The following CYRIA variants were observed in gnomAD, a reference collection of about 807,000 sequenced individuals.
CYRIA encodes CYFIP related Rac1 interactor A, also known as CYFIP-related Rac1 interactor A.
In CYRIA, 15 loss-of-function variants were observed where a neutral mutation model predicts 43.9. The ratio of observed to expected loss-of-function variants is 0.34; its 90% CI spans 0.23 to 0.53. CYRIA has a LOEUF of 0.53. Ranked by LOEUF, CYRIA falls within the 20% of genes least tolerant of loss-of-function variation. The pLI is 0.94. For synonymous variants in CYRIA, 117 were observed against 136.0 expected (o/e 0.86, Z 0.97); for missense variants, 236 against 394.2 (o/e 0.60, Z 3.40).
intron 10 of CYRIA, among the ~76,000 whole-genome samples, chr2:16,557,562 C>T (rs1271023946): frequency 3.9e-5 from 6 of 152,018 alleles, no homozygotes; most frequent in Admixed American, 3.3e-4. Flanking sequence ...AATGGCCCAT[C>T]TCAAATGGTT....
chr2:16,622,336 G>A (rs750258898), intron 2 of CYRIA, among the ~76,000 whole-genome samples: 3 of 152,170 alleles, frequency 2.0e-5, no homozygotes, highest in Non-Finnish European at 4.4e-5. Context: ...AAGTCCGGGT[G>A]AGAAAAGGCT....
chr2:16,629,977 A>G (rs565509978), intron 1 of CYRIA, among the ~76,000 whole-genome samples: 1 of 152,256 alleles, frequency 6.6e-6, no homozygotes, highest in African/African-American at 2.4e-5. Flanking sequence ...GAGACCAGAT[A>G]GTGACTAACT....
chr2:16,629,287 C>T, intron 1 of CYRIA, among the ~76,000 whole-genome samples: 1 of 152,182 alleles, frequency 6.6e-6, no homozygotes, highest in South Asian at 2.1e-4. Context: ...GGTGAGAGAT[C>T]CTCCCTTTTC....
At chr2:16,585,827 G>C (rs1190987995) in intron 3 of CYRIA, among the ~76,000 whole-genome samples, 2 of 152,082 alleles carry the variant, frequency 1.3e-5, no homozygotes, top group African/African-American at 4.8e-5. Context: ...GTGCTATGGT[G>C]GGGGGATGGA....
At chr2:16,646,548 G>A (rs899025474) in intron 1 of CYRIA, among the ~76,000 whole-genome samples, 1 of 152,224 alleles carries the variant, frequency 6.6e-6, no homozygotes, top group Non-Finnish European at 1.5e-5. Context: ...CACGTGCAGT[G>A]TGGGAGCCTC....
rs1666221980 is a variant in CYRIA at position 16,549,522 on chromosome 2, G to A, written c.*3414C>T. The A allele has an allele frequency of 6.6e-6, 1 of 151,858 alleles. No homozygotes were observed. The highest frequency in any genetic ancestry group is 6.6e-5 in the Admixed American group (1 of 15,218). 9.4% of individuals were successfully genotyped at this position (151,858 alleles called of 1,614,324 possible). A position where few individuals can be genotyped will look rare whatever the true frequency, so the allele number is the denominator to read the frequency against. On this transcript the variant is annotated 3_prime_UTR_variant, in exon 12 of 12. Coordinates refer to ENST00000381323, the MANE Select transcript of CYRIA (RefSeq NM_030797.4). Reference sequence around the variant, plus strand: ...CACTCAAAACTCCTGTAGAAAAAAAGGCAAAGCAGGCAAAAAAAATTACAA... The same window carrying A: ...CACTCAAAACTCCTGTAGAAAAAAAAGCAAAGCAGGCAAAAAAAATTACAA...
chr2:16,590,540 C>G (rs1464777850), intron 2 of CYRIA, among the ~76,000 whole-genome samples: 4 of 152,092 alleles, frequency 2.6e-5, no homozygotes, highest in Non-Finnish European at 5.9e-5. Context: ...ATTTTACTGT[C>G]AGAGTACCTA....
At chr2:16,590,671 T>C (rs1667900812) in intron 2 of CYRIA, among the ~76,000 whole-genome samples, 1 of 152,178 alleles carries the variant, frequency 6.6e-6, no homozygotes, top group Non-Finnish European at 1.5e-5. Flanking sequence ...GTGGATTGGC[T>C]GATATCATCA....
intron 3 of CYRIA, among the ~76,000 whole-genome samples, chr2:16,578,517 T>C (rs150399135): frequency 6.6e-6 from 1 of 152,284 alleles, no homozygotes; most frequent in Non-Finnish European, 1.5e-5. Flanking sequence ...ATGGTAAAAA[T>C]GGAAAATTTC....
At chr2:16,616,171 G>A (rs959354693) in intron 2 of CYRIA, among the ~76,000 whole-genome samples, 4 of 152,088 alleles carry the variant, frequency 2.6e-5, no homozygotes, top group African/African-American at 4.8e-5. Flanking sequence ...TGTCCTTCAC[G>A]GTGGGAACCC....
chr2:16,601,357 G>C (rs1339911669), intron 2 of CYRIA, among the ~76,000 whole-genome samples: 1 of 152,138 alleles, frequency 6.6e-6, no homozygotes, highest in Non-Finnish European at 1.5e-5. Context: ...AATACACATT[G>C]GGTGACCCCT....
chr2:16,614,580 G>A (rs1004638327), intron 2 of CYRIA, among the ~76,000 whole-genome samples: 5 of 152,208 alleles, frequency 3.3e-5, no homozygotes, highest in African/African-American at 9.7e-5. Context: ...ATCAAGCACT[G>A]TTTGGGCTAT....
At chr2:16,557,950 C>G (rs1012770505) in intron 10 of CYRIA, among the ~76,000 whole-genome samples, 1 of 152,008 alleles carries the variant, frequency 6.6e-6, no homozygotes, top group Non-Finnish European at 1.5e-5. Context: ...AATGTTAAAG[C>G]CTCACAAAGG....
At chr2:16,586,331 T>C (rs1456668443) in intron 3 of CYRIA, among the ~76,000 whole-genome samples, 16 of 152,148 alleles carry the variant, frequency 1.1e-4, no homozygotes, top group Admixed American at 1.0e-3. Context: ...TATAGATAAT[T>C]TGTTTTGCAC....
chr2:16,649,971 G>C (rs115623482), intron 1 of CYRIA, among the ~76,000 whole-genome samples: 489 of 152,284 alleles, frequency 3.2e-3, no homozygotes, highest in African/African-American at 0.01. Context: ...GTTTCAACAA[G>C]AGTCTCAAGT....
chr2:16,639,478 T>C (rs578072885), intron 1 of CYRIA, among the ~76,000 whole-genome samples: 4 of 152,226 alleles, frequency 2.6e-5, no homozygotes, highest in East Asian at 1.9e-4. Context: ...CTGGATGTAT[T>C]TGACTCCAGC....
chr2:16,564,922 A>G (rs1372643364), intron 4 of CYRIA, among the ~76,000 whole-genome samples: 1 of 152,210 alleles, frequency 6.6e-6, no homozygotes, highest in Non-Finnish European at 1.5e-5. Context: ...TGTGTATCAC[A>G]CTGGTGGAAC....
At chr2:16,605,215 A>G (rs1357897688) in intron 2 of CYRIA, among the ~76,000 whole-genome samples, 2 of 152,248 alleles carry the variant, frequency 1.3e-5, no homozygotes, top group Non-Finnish European at 2.9e-5. Context: ...TCAGTTTTCT[A>G]AAATAGACTA....
chr2:16,644,382 T>G (rs972813569), intron 1 of CYRIA, among the ~76,000 whole-genome samples: 11 of 152,200 alleles, frequency 7.2e-5, no homozygotes, highest in African/African-American at 2.7e-4. Flanking sequence ...GTGGATGGGC[T>G]GAGTCATGAA....
Sources: gnomAD v4.1 joint callset for allele counts (sites outside exome capture counted in the v4.1 genomes callset) on GRCh38, gnomAD v4.1.1 for gene constraint, MANE v1.5 for transcripts, NCBI Gene and HGNC (gene_info 2026-07-23, HGNC 2026-07-21) for gene names.